The following PDGFRL variants were observed in gnomAD, a reference collection of about 807,000 sequenced individuals.
PDGFRL encodes platelet derived growth factor receptor like, also known as platelet-derived growth factor receptor-like protein.
A neutral mutation model predicts 37.2 loss-of-function variants in PDGFRL; 46 were observed. The observed-to-expected ratio is 1.24, with a 90% CI of 0.98 to 1.58. The LOEUF is 1.58. PDGFRL is among the 40% of genes most tolerant of loss of function. The pLI is 0.00. For missense variants in PDGFRL, 692 were observed against 467.6 expected (o/e 1.48, Z -4.43); for synonymous variants, 251 against 184.3 (o/e 1.36, Z -2.93).
intron 2 of PDGFRL, among the ~76,000 whole-genome samples, chr8:17,608,214 C>T (rs569010601): frequency 6.6e-6 from 1 of 152,182 alleles, no homozygotes; most frequent in South Asian, 2.1e-4. Context: ...ATCCTACTGT[C>T]CAAAGCACTC....
intron 5 of PDGFRL, among the ~76,000 whole-genome samples, chr8:17,636,469 A>T (rs1287177939): frequency 6.6e-6 from 1 of 151,712 alleles, no homozygotes; most frequent in Non-Finnish European, 1.5e-5. Flanking sequence ...CCACTGGTCT[A>T]TGTGCTATTT....
At chr8:17,583,265 T>C (rs1341005780) in intron 1 of PDGFRL, among the ~76,000 whole-genome samples, 1 of 152,088 alleles carries the variant, frequency 6.6e-6, no homozygotes, top group East Asian at 1.9e-4. Context: ...ACAGGGCTCA[T>C]GTGGGGATCC....
chr8:17,576,526 C>G (rs577702627), upstream of PDGFRL: 27 of 157,280 alleles, frequency 1.7e-4, no homozygotes, highest in Non-Finnish European at 3.5e-4. Context: ...TTTGCTTCTG[C>G]GAACTGGCTG....
intron 3 of PDGFRL, among the ~76,000 whole-genome samples, chr8:17,622,303 T>C (rs1191219624): frequency 1.3e-5 from 2 of 152,244 alleles, no homozygotes; most frequent in Non-Finnish European, 2.9e-5. Context: ...CGTCCTATTG[T>C]CGTCCAAGAC....
At chr8:17,595,304 C>G (rs540130902) in intron 2 of PDGFRL, among the ~76,000 whole-genome samples, 2 of 152,320 alleles carry the variant, frequency 1.3e-5, no homozygotes, top group East Asian at 1.9e-4. Flanking sequence ...AAAGCCTTTC[C>G]AAGTTCCACT....
At chr8:17,600,076 T>C (rs1284819040) in intron 2 of PDGFRL, among the ~76,000 whole-genome samples, 1 of 152,168 alleles carries the variant, frequency 6.6e-6, no homozygotes, top group Non-Finnish European at 1.5e-5. Flanking sequence ...TCACACCCAG[T>C]TCCCTGGGAG....
chr8:17,641,677 A>G (rs1805096031), intron 5 of PDGFRL, among the ~76,000 whole-genome samples: 1 of 152,222 alleles, frequency 6.6e-6, no homozygotes, highest in Admixed American at 6.5e-5. Context: ...TGCTAAAATA[A>G]CAGCTCTGCT....
chr8:17,622,186 C>A (rs956888636), intron 3 of PDGFRL, among the ~76,000 whole-genome samples: 2 of 152,198 alleles, frequency 1.3e-5, no homozygotes, highest in African/African-American at 4.8e-5. Context: ...AACTGCTCAG[C>A]CTCTTTCTTC....
intron 5 of PDGFRL, among the ~76,000 whole-genome samples, chr8:17,639,089 C>T (rs1437053430): frequency 6.6e-6 from 1 of 151,912 alleles, no homozygotes; most frequent in African/African-American, 2.4e-5. Context: ...TACTCCTGCT[C>T]ACTTTGGTGT....
At chr8:17,591,097 T>G (rs1177526353) in intron 2 of PDGFRL, among the ~76,000 whole-genome samples, 3 of 152,054 alleles carry the variant, frequency 2.0e-5, no homozygotes, top group African/African-American at 7.2e-5. Flanking sequence ...TTAGCCAGGA[T>G]GGTCTCAATC....
chr8:17,595,610 A>C (rs1196784989), intron 2 of PDGFRL, among the ~76,000 whole-genome samples: 1 of 152,178 alleles, frequency 6.6e-6, no homozygotes, highest in Non-Finnish European at 1.5e-5. Context: ...GGCTGAGCCC[A>C]GGGCTTGACC....
intron 3 of PDGFRL, among the ~76,000 whole-genome samples, chr8:17,624,538 C>T (rs2129780914): frequency 6.6e-6 from 1 of 152,340 alleles, no homozygotes; most frequent in East Asian, 1.9e-4. Flanking sequence ...AGGATGAGAA[C>T]ATTACCAGCA....
chr8:17,605,651 TG>T (rs779780809), intron 2 of PDGFRL, among the ~76,000 whole-genome samples: 1 of 152,172 alleles, frequency 6.6e-6, no homozygotes, highest in Non-Finnish European at 1.5e-5. Context: ...AAGGAGACGT[TG>T]GAGATTTCAG....
Position 17,619,446 on chromosome 8 carries a change from A to C in PDGFRL, c.354-1605A>C, listed in dbSNP as rs560630890. ...TATATTTGCCATGCAACAAGTTACA[A>C]AATACAAAAGATAAGGAAGAAAAAT... On this transcript the variant is annotated intron_variant, in intron 2 of 5. Coordinates refer to ENST00000251630, the MANE Select transcript of PDGFRL (RefSeq NM_001372073.1). 3.9e-5 allele frequency among the ~76,000 whole-genome samples: 6 copies of C among 152,352 alleles called. No homozygotes were observed. In the South Asian group the frequency reaches 1.2e-3, roughly 32 times the overall value.
At chr8:17,577,363 C>A in intron 1 of PDGFRL, 56 bp downstream of exon 1, 1 of 1,438,672 alleles carries the variant, frequency 7.0e-7, no homozygotes, top group Non-Finnish European at 9.7e-7. Flanking sequence ...TAGCCGGGAC[C>A]CGAAGCCCCC....
chr8:17,601,098 G>A (rs11998364), intron 2 of PDGFRL, among the ~76,000 whole-genome samples: 4,500 of 152,278 alleles, frequency 0.03, 195 homozygotes, highest in African/African-American at 0.09. Context: ...CCAGAGGCCC[G>A]GGAATCACTT....
intron 3 of PDGFRL, among the ~76,000 whole-genome samples, chr8:17,627,108 G>A (rs1804749620): frequency 6.6e-6 from 1 of 152,208 alleles, no homozygotes; most frequent in Admixed American, 6.5e-5. Context: ...GAGCTCTGAT[G>A]TACTGGGAAA....
At chr8:17,594,472 C>A (rs868563192) in intron 2 of PDGFRL, among the ~76,000 whole-genome samples, 3 of 152,142 alleles carry the variant, frequency 2.0e-5, no homozygotes, top group Admixed American at 6.5e-5. Flanking sequence ...AATTCCTGAC[C>A]TCAACTGATC....
intron 2 of PDGFRL, among the ~76,000 whole-genome samples, chr8:17,608,284 A>T (rs1299552025): frequency 1.3e-5 from 2 of 152,082 alleles, no homozygotes; most frequent in African/African-American, 4.8e-5. Flanking sequence ...GTTACATTGG[A>T]GCAGAGGTCA....
Sources: allele counts gnomAD v4.1 joint callset (sites outside exome capture counted in the v4.1 genomes callset), GRCh38; gene constraint gnomAD v4.1.1; transcripts MANE v1.5; gene names NCBI Gene and HGNC (gene_info 2026-07-23, HGNC 2026-07-21).